TJAP1: variants seen among roughly 807,000 people sequenced by gnomAD.
TJAP1 encodes tight junction associated protein 1, also known as tight junction-associated protein 1.
Under a neutral mutation model 42.0 loss-of-function variants are expected in TJAP1, and 27 were observed. That is an observed-to-expected ratio of 0.64 (90% CI 0.47 to 0.89). The LOEUF is 0.89. Among genes scored for constraint, TJAP1 ranks in the 40% least tolerant of loss-of-function variants. TJAP1 has a pLI of 0.00. For missense variants in TJAP1, 712 were observed against 726.9 expected (o/e 0.98, Z 0.24); for synonymous variants, 257 against 288.4 (o/e 0.89, Z 1.10).
At chr6:43,500,906 T>C in intron 5 of TJAP1, 134 bp downstream of exon 5, 1 of 1,002,006 alleles carries the variant, frequency 1.0e-6, no homozygotes, top group Non-Finnish European at 1.6e-6. Context: ...TTTTAGGGAC[T>C]CTGGGAGGAG....
chr6:43,501,913 A>ACG (rs1430156061), intron 6 of TJAP1, among the ~76,000 whole-genome samples: 4 of 128,002 alleles, frequency 3.1e-5, no homozygotes, highest in African/African-American at 1.2e-4. Flanking sequence ...ACACACACAC[A>ACG]CACACACACA....
intron 6 of TJAP1, 84 bp downstream of exon 6, chr6:43,501,771 C>CTG (rs1324522029): frequency 4.4e-5 from 30 of 678,032 alleles, no homozygotes; most frequent in Non-Finnish European, 7.3e-5. Flanking sequence ...CTCTCTGTCT[C>CTG]TCTCTCTCTC....
chr6:43,493,282 T>C (rs551586395), intron 2 of TJAP1, among the ~76,000 whole-genome samples: 1 of 152,322 alleles, frequency 6.6e-6, no homozygotes, highest in African/African-American at 2.4e-5. Flanking sequence ...CATTGACAGC[T>C]GAGAGCAGAA....
chr6:43,496,422 G>A (rs1257360813), intron 2 of TJAP1, among the ~76,000 whole-genome samples: 1 of 152,178 alleles, frequency 6.6e-6, no homozygotes, highest in Admixed American at 6.5e-5. Flanking sequence ...CGTCCTTTCA[G>A]GCCCGCCCAC....
intron 2 of TJAP1, among the ~76,000 whole-genome samples, chr6:43,487,814 T>C (rs540855439): frequency 6.6e-6 from 1 of 151,862 alleles, no homozygotes; most frequent in East Asian, 1.9e-4. Flanking sequence ...CTGCCTAACT[T>C]GTTTCCCCAA....
chr6:43,484,446 C>T (rs1025061108), intron 2 of TJAP1, among the ~76,000 whole-genome samples: 7 of 152,042 alleles, frequency 4.6e-5, no homozygotes, highest in African/African-American at 1.2e-4. Flanking sequence ...GGCACAAGAG[C>T]GAGACTTCAT....
chr6:43,496,320 C>T (rs1355458276), intron 2 of TJAP1, among the ~76,000 whole-genome samples: 1 of 152,182 alleles, frequency 6.6e-6, no homozygotes, highest in Non-Finnish European at 1.5e-5. Flanking sequence ...TCCCTCAGGC[C>T]ATAGGAGCAC....
chr6:43,500,552 C>T (rs112534445), intron 4 of TJAP1, 192 bp from the exon 5 acceptor site: 7,296 of 596,102 alleles, frequency 0.012, 347 homozygotes, highest in African/African-American at 0.11. Flanking sequence ...TTCTGGTTGG[C>T]ATGGGAGAGG....
rs372254586 is a variant in TJAP1 at position 43,505,511 on chromosome 6, C to T, written c.1330C>T (p.Arg444Cys). 23 of 1,613,894 alleles carry T rather than the reference C, an allele frequency of 1.4e-5. No individual in the cohort carries two copies. The South Asian group carries it at 1.4e-4, about 10-fold the overall frequency. The change falls in exon 11 of 11, where the codon CGC (arginine) becomes TGC (cysteine). Residue 444 changes from arginine to cysteine, a missense_variant. Arg to Cys is a radical substitution (Grantham distance 180, BLOSUM62 -3). Around this residue, in one of 3 missense-constraint regions of TJAP1, gnomAD observed 549 missense variants for 528.2 expected, o/e 1.04. Coordinates refer to ENST00000372449, the Ensembl canonical transcript of TJAP1. The surrounding 1 kb of genome is among the most constrained non-coding windows in gnomAD (Gnocchi z 5.5). ...ACGCGATGCCCTCCCTGAGCTGCAG[C>T]GCCATTTTGCCCATAGCCCCGCTGA... is the stretch of plus-strand genomic sequence containing the variant.
chr6:43,484,721 A>G (rs1227860606), intron 2 of TJAP1, among the ~76,000 whole-genome samples: 1 of 144,622 alleles, frequency 6.9e-6, no homozygotes, highest in African/African-American at 2.9e-5. Flanking sequence ...GTTTCTCCCC[A>G]TCTCTGTTTG....
intron 3 of TJAP1, among the ~76,000 whole-genome samples, chr6:43,498,642 G>T (rs1330077427): frequency 6.6e-6 from 1 of 152,238 alleles, no homozygotes; most frequent in East Asian, 1.9e-4. Context: ...ACCTTCTGAG[G>T]CCTTCAGAGC....
chr6:43,506,473 G>GC (rs1456064152), exon 11 of TJAP1: 5 of 152,662 alleles, frequency 3.3e-5, no homozygotes, highest in African/African-American at 1.2e-4. Flanking sequence ...CCCAACCTTG[G>GC]CTCTAGACTG....
rs1788116466 is a variant in TJAP1 at position 43,492,849 on chromosome 6, G to C, written c.-121-5032G>C. Among the ~76,000 whole-genome samples the C allele has an allele frequency of 6.6e-6, 1 of 152,094 alleles. No individual in the cohort carries two copies. ...TGAGAAGCGGCCAGACTTGTGTGGC[G>C]GGAGTGTAGCTGACCCCCACTGGGG... is the stretch of plus-strand genomic sequence containing the variant. On this transcript the variant is annotated intron_variant, in intron 2 of 10. Coordinates refer to ENST00000372449, the Ensembl canonical transcript of TJAP1. This position sits in a 1 kb window ranked among gnomAD's most constrained non-coding sequence, Gnocchi z 4.2.
intron 2 of TJAP1, among the ~76,000 whole-genome samples, chr6:43,482,425 G>A (rs528022830): frequency 1.3e-5 from 2 of 152,218 alleles, no homozygotes; most frequent in Non-Finnish European, 2.9e-5. Flanking sequence ...CTGGATTCAG[G>A]CTCTTAAATA....
chr6:43,494,553 G>A (rs929527821), intron 2 of TJAP1, among the ~76,000 whole-genome samples: 2 of 137,410 alleles, frequency 1.5e-5, no homozygotes, highest in Non-Finnish European at 1.5e-5. Context: ...ACGTTATCTG[G>A]TAGTCCAACA....
At position 43,505,014 on chromosome 6, in the gene TJAP1, C is replaced by T. The variant is rs530093578; in HGVS notation, c.833C>T (p.Pro278Leu). 25 of 1,614,082 alleles carry T rather than the reference C, an allele frequency of 1.5e-5. No homozygotes were observed. In the Middle Eastern group the frequency reaches 8.2e-4, roughly 53 times the overall value. The stretch of plus-strand genomic sequence containing the variant: ...GTCCCAGGTGATCCAGCCAGTCCCC[C>T]GGCCCCTGGCAGCCCCACCCCACAA... The change falls in exon 11 of 11, where the codon CCG (proline) becomes CTG (leucine). Residue 278 changes from proline to leucine, a missense_variant. Pro to Leu is a moderately conservative substitution (Grantham distance 98, BLOSUM62 -3). This residue lies in a region of TJAP1 where 549 missense variants were observed against 528.2 expected (regional missense o/e 1.04). Coordinates refer to ENST00000372449, the Ensembl canonical transcript of TJAP1. The surrounding 1 kb of genome is among the most constrained non-coding windows in gnomAD (Gnocchi z 5.5).
At chr6:43,498,387 G>A (rs996791673) in intron 3 of TJAP1, among the ~76,000 whole-genome samples, 2 of 151,932 alleles carry the variant, frequency 1.3e-5, no homozygotes, top group Non-Finnish European at 2.9e-5. Flanking sequence ...AAAGTGAGAC[G>A]CTGTGTACAA....
At chr6:43,502,902 A>C (rs1791296222) in intron 8 of TJAP1, 1 of 553,828 alleles carries the variant, frequency 1.8e-6, no homozygotes, top group South Asian at 2.1e-5. Context: ...GGGAGTGGGG[A>C]GGGGAGGCTG....
intron 2 of TJAP1, among the ~76,000 whole-genome samples, chr6:43,496,818 C>T (rs898548694): frequency 1.3e-5 from 2 of 152,220 alleles, no homozygotes; most frequent in Admixed American, 1.3e-4. Context: ...AGGTTACTGC[C>T]TGATCACTGG....
Sources: allele counts gnomAD v4.1 joint callset (sites outside exome capture counted in the v4.1 genomes callset), GRCh38; gene constraint gnomAD v4.1.1; regional missense constraint gnomAD v4.1.1; non-coding constraint Gnocchi (gnomAD v3.1); transcripts MANE v1.5; gene names NCBI Gene and HGNC (gene_info 2026-07-23, HGNC 2026-07-21).